Variants in ROR1 observed in about 807,000 individuals in gnomAD.
ROR1 encodes inactive tyrosine-protein kinase transmembrane receptor ROR1.
In ROR1, 19 loss-of-function variants were observed where a neutral mutation model predicts 78.8. The observed-to-expected ratio is 0.24, with a 90% confidence interval of 0.17 to 0.35. The LOEUF is 0.35. Ranked by LOEUF, ROR1 falls within the 10% of genes least tolerant of loss-of-function variation. The pLI, the probability that ROR1 is intolerant of heterozygous loss-of-function variation, is 1.00. For missense variants in ROR1, 917 were observed against 1,177.8 expected (o/e 0.78, Z 3.24); for synonymous variants, 386 against 433.6 (o/e 0.89, Z 1.36).
At chr1:63,905,570 T>G (rs1181350951) in intron 1 of ROR1, among the ~76,000 whole-genome samples, 1 of 152,170 alleles carries the variant, frequency 6.6e-6, no homozygotes, top group East Asian at 1.9e-4. Flanking sequence ...CGGATGTAGT[T>G]TTTAAGATAA....
chr1:63,891,531 G>A (rs1645396149), intron 1 of ROR1, among the ~76,000 whole-genome samples: 2 of 152,156 alleles, frequency 1.3e-5, no homozygotes, highest in South Asian at 4.2e-4. Flanking sequence ...ACTTGACTAG[G>A]CTAAGGGAGG....
intron 1 of ROR1, among the ~76,000 whole-genome samples, chr1:63,876,489 G>A (rs1197801601): frequency 6.6e-6 from 1 of 152,014 alleles, no homozygotes; most frequent in East Asian, 1.9e-4. Context: ...TGGAGAGGAG[G>A]GAAATTTCCT....
At chr1:64,112,694 A>G (rs771149381) in intron 4 of ROR1, among the ~76,000 whole-genome samples, 4 of 151,946 alleles carry the variant, frequency 2.6e-5, no homozygotes, top group Admixed American at 6.6e-5. Context: ...TCAACCTCAT[A>G]TTTGTGGATT....
chr1:64,106,643 GT>G (rs1647823967), intron 4 of ROR1: 2 of 152,068 alleles, frequency 1.3e-5, no homozygotes. Context: ...TCAATATCTA[GT>G]TTATTGAGTT....
intron 1 of ROR1, among the ~76,000 whole-genome samples, chr1:63,889,648 A>G (rs74845558): frequency 0.019 from 2,821 of 152,296 alleles, 84 homozygotes; most frequent in African/African-American, 0.064. Flanking sequence ...AGAGCAGGGC[A>G]TAAACCAAAG....
At chr1:63,953,623 G>A (rs1459768514) in intron 1 of ROR1, among the ~76,000 whole-genome samples, 1 of 152,176 alleles carries the variant, frequency 6.6e-6, no homozygotes. Flanking sequence ...GTCCAACCCA[G>A]TGCTTGGCAC....
chr1:63,989,498 T>A (rs1278151022), intron 1 of ROR1, among the ~76,000 whole-genome samples: 1 of 152,168 alleles, frequency 6.6e-6, no homozygotes, highest in Non-Finnish European at 1.5e-5. Context: ...TCATTTTGAA[T>A]TAAAACCTAC....
At chr1:63,844,307 C>T (rs1569806306) in intron 1 of ROR1, among the ~76,000 whole-genome samples, 2 of 152,124 alleles carry the variant, frequency 1.3e-5, no homozygotes, top group East Asian at 3.9e-4. Flanking sequence ...TTATTCCTGC[C>T]ACCCACTCTT....
At chr1:64,026,646 C>T (rs183828042) in intron 2 of ROR1, among the ~76,000 whole-genome samples, 10 of 152,232 alleles carry the variant, frequency 6.6e-5, no homozygotes, top group South Asian at 2.1e-4. Context: ...CACATGGCTG[C>T]GGAGGCCTCA....
At chr1:64,077,348 TTTC>T (rs1410546619) in intron 4 of ROR1, among the ~76,000 whole-genome samples, 1 of 152,346 alleles carries the variant, frequency 6.6e-6, no homozygotes, top group East Asian at 1.9e-4. Context: ...TTCATCTCCA[TTTC>T]TTAACTACCA....
At chr1:63,940,498 C>CAGACAGACAGACAGACAGATAGATAGAT (rs1230477303) in intron 1 of ROR1, among the ~76,000 whole-genome samples, 2 of 75,138 alleles carry the variant, frequency 2.7e-5, no homozygotes, top group African/African-American at 6.2e-5. Context: ...GATAGACAGA[C>CAGACAGACAGACAGACAGATAGATAGAT]AGATAGATAG....
chr1:63,793,958 T>C (rs1038550536), intron 1 of ROR1, among the ~76,000 whole-genome samples: 8 of 152,132 alleles, frequency 5.3e-5, no homozygotes, highest in African/African-American at 1.9e-4. Flanking sequence ...GACTCCTGTC[T>C]CCGTTGTGTG....
chr1:64,120,660 T>C (rs12129247), intron 4 of ROR1, among the ~76,000 whole-genome samples: 46,036 of 152,010 alleles, frequency 0.3, 7,440 homozygotes, highest in African/African-American at 0.34. Context: ...ATGGTAACAA[T>C]GGCACTGCAG....
chr1:63,874,934 G>A (rs1645274985), intron 1 of ROR1, among the ~76,000 whole-genome samples: 1 of 152,054 alleles, frequency 6.6e-6, no homozygotes, highest in Non-Finnish European at 1.5e-5. Flanking sequence ...AATCTGATAA[G>A]CATAGAGTAT....
At chr1:64,099,883 A>G (rs970328878) in intron 4 of ROR1, among the ~76,000 whole-genome samples, 24 of 152,030 alleles carry the variant, frequency 1.6e-4, no homozygotes, top group African/African-American at 5.6e-4. Context: ...GTGAAAACCC[A>G]TCTCTACTAA....
intron 4 of ROR1, among the ~76,000 whole-genome samples, chr1:64,070,867 T>A (rs1169246372): frequency 6.6e-6 from 1 of 152,168 alleles, no homozygotes; most frequent in Non-Finnish European, 1.5e-5. Context: ...GTCTAATGTG[T>A]CAGAGAGTAA....
At position 64,149,580 on chromosome 1, in the gene ROR1, A is replaced by C. The variant is rs149706406; in HGVS notation, c.1174+6930A>C. ...TTAGCTCCCCAGCAGCTCCACCCAC[A>C]TCTCACAGGGTGTGCCCTTCTCCCA... On this transcript the variant is annotated intron_variant, in intron 7 of 8. Coordinates refer to ENST00000371079, the MANE Select transcript of ROR1 (RefSeq NM_005012.4). 2.6e-5 allele frequency among the ~76,000 whole-genome samples: 4 copies of C among 152,032 alleles called. No homozygotes were observed. In the East Asian group the frequency reaches 5.8e-4, roughly 22 times the overall value.
At chr1:64,146,241 CG>C (rs1649469758) in intron 7 of ROR1, among the ~76,000 whole-genome samples, 1 of 152,250 alleles carries the variant, frequency 6.6e-6, no homozygotes, top group African/African-American at 2.4e-5. Flanking sequence ...TTTGGGAGGC[CG>C]TGGCAGGCAG....
At chr1:63,940,036 A>G (rs1320616754) in intron 1 of ROR1, among the ~76,000 whole-genome samples, 3 of 152,150 alleles carry the variant, frequency 2.0e-5, no homozygotes, top group Non-Finnish European at 4.4e-5. Context: ...CTGAAAGTGC[A>G]CTGTTGTGAT....
Sources: gnomAD v4.1 joint callset for allele counts (sites outside exome capture counted in the v4.1 genomes callset) on GRCh38, gnomAD v4.1.1 for gene constraint, MANE v1.5 for transcripts, NCBI Gene and HGNC (gene_info 2026-07-23, HGNC 2026-07-21) for gene names.